PCDH15: variants seen among roughly 807,000 people sequenced by gnomAD.
The protein encoded by PCDH15 is protocadherin related 15.
A neutral mutation model predicts 178.5 loss-of-function variants in PCDH15; 129 were observed. That is an observed-to-expected ratio of 0.72 (90% confidence interval 0.63 to 0.84). The LOEUF (loss-of-function observed/expected upper bound fraction) is 0.84, where lower values mean the gene tolerates loss of function less well. PCDH15 is among the 40% of genes least tolerant of loss of function. The pLI is 0.00. For missense variants in PCDH15, 2,230 were observed against 2,099.9 expected (o/e 1.06, Z -1.21); for synonymous variants, 800 against 732.0 (o/e 1.09, Z -1.50).
At chr10:53,865,129 T>C (rs1253881421) in intron 27 of PCDH15, among the ~76,000 whole-genome samples, 1 of 152,146 alleles carries the variant, frequency 6.6e-6, no homozygotes, top group Non-Finnish European at 1.5e-5. Flanking sequence ...ATACTAATTA[T>C]AGAATTTTGT....
At chr10:53,910,819 A>C (rs2083034580) in intron 25 of PCDH15, among the ~76,000 whole-genome samples, 1 of 152,192 alleles carries the variant, frequency 6.6e-6, no homozygotes, top group Admixed American at 6.5e-5. Context: ...GAAGACCTTA[A>C]ATGACCTGAT....
intron 1 of PCDH15, among the ~76,000 whole-genome samples, chr10:55,207,542 A>G (rs1356807204): frequency 6.6e-6 from 1 of 152,176 alleles, no homozygotes; most frequent in Non-Finnish European, 1.5e-5. Flanking sequence ...TTGACTACCA[A>G]GTTCTCTTTC....
intron 2 of PCDH15, among the ~76,000 whole-genome samples, chr10:55,447,965 A>G (rs946201666): frequency 2.6e-5 from 4 of 151,972 alleles, no homozygotes; most frequent in African/African-American, 9.7e-5. Context: ...TCCAAGGAAG[A>G]GCTAGGATAA....
intron 3 of PCDH15, among the ~76,000 whole-genome samples, chr10:54,868,789 A>G (rs1178435227): frequency 6.6e-6 from 1 of 152,084 alleles, no homozygotes; most frequent in Non-Finnish European, 1.5e-5. Context: ...GTAGCAATCA[A>G]TGTTATTATC....
intron 1 of PCDH15, among the ~76,000 whole-genome samples, chr10:54,780,836 C>A (rs1405000308): frequency 1.3e-5 from 2 of 151,578 alleles, no homozygotes; most frequent in African/African-American, 2.4e-5. Flanking sequence ...ATCATAGTAG[C>A]TTTGAATGAT....
At chr10:54,551,722 A>G (rs953401248) in intron 2 of PCDH15, among the ~76,000 whole-genome samples, 1 of 152,048 alleles carries the variant, frequency 6.6e-6, no homozygotes, top group Non-Finnish European at 1.5e-5. Flanking sequence ...GATTTTTTAA[A>G]AGAACTTTCA....
At chr10:55,376,813 G>T (rs1264046657) in intron 2 of PCDH15, among the ~76,000 whole-genome samples, 1 of 152,010 alleles carries the variant, frequency 6.6e-6, no homozygotes, top group Admixed American at 6.6e-5. Context: ...AACTATTTCA[G>T]ATATGTTCTT....
At chr10:54,336,299 A>G (rs1286695689) in intron 6 of PCDH15, among the ~76,000 whole-genome samples, 1 of 152,230 alleles carries the variant, frequency 6.6e-6, no homozygotes, top group African/African-American at 2.4e-5. Flanking sequence ...AGAAATTTGC[A>G]TAAGTAATGA....
chr10:54,737,766 T>C (rs1036522578), intron 1 of PCDH15, among the ~76,000 whole-genome samples: 1 of 152,124 alleles, frequency 6.6e-6, no homozygotes, highest in Non-Finnish European at 1.5e-5. Context: ...TAGGTATGAT[T>C]GAGTACAAAT....
At chr10:55,069,837 C>T (rs896158794) in intron 2 of PCDH15, among the ~76,000 whole-genome samples, 3 of 151,316 alleles carry the variant, frequency 2.0e-5, no homozygotes, top group African/African-American at 7.3e-5. Flanking sequence ...GTTCTAGATC[C>T]CTGAGGAACC....
At chr10:54,802,362 G>C (rs146869008), upstream of PCDH15, among the ~76,000 whole-genome samples, 2 of 152,280 alleles carry the variant, frequency 1.3e-5, no homozygotes, top group African/African-American at 2.4e-5. Context: ...ATAATCTGAG[G>C]CAAGCCAAAT....
At chr10:55,363,635 T>C (rs1383334286) in intron 2 of PCDH15, among the ~76,000 whole-genome samples, 1 of 152,128 alleles carries the variant, frequency 6.6e-6, no homozygotes, top group African/African-American at 2.4e-5. Flanking sequence ...TTTTTTCTTT[T>C]TTTGGTTGGG....
intron 1 of PCDH15, among the ~76,000 whole-genome samples, chr10:54,756,521 T>TC (rs532123353): frequency 6.6e-6 from 1 of 152,156 alleles, no homozygotes; most frequent in Non-Finnish European, 1.5e-5. Context: ...CTATTAAAAA[T>TC]CTGTACCCTA....
chr10:55,160,806 CT>C (rs1839046457), intron 2 of PCDH15, among the ~76,000 whole-genome samples: 1 of 152,142 alleles, frequency 6.6e-6, no homozygotes, highest in African/African-American at 2.4e-5. Flanking sequence ...ATTTTCTCCT[CT>C]GTAGCACTGC....
At chr10:54,343,950 A>T (rs71492604) in intron 6 of PCDH15, among the ~76,000 whole-genome samples, 7,694 of 146,510 alleles carry the variant, frequency 0.053, 227 homozygotes, top group Admixed American at 0.095. Context: ...CTTTATTGAA[A>T]TGTTATTATT....
At chr10:55,181,019 G>T (rs984952868) in intron 1 of PCDH15, among the ~76,000 whole-genome samples, 1 of 152,000 alleles carries the variant, frequency 6.6e-6, no homozygotes, top group Non-Finnish European at 1.5e-5. Context: ...ACACCTAGAT[G>T]ATTAGGAATT....
intron 6 of PCDH15, among the ~76,000 whole-genome samples, chr10:54,336,173 T>C (rs1941079041): frequency 6.6e-6 from 1 of 152,152 alleles, no homozygotes; most frequent in African/African-American, 2.4e-5. Flanking sequence ...TTCAGTGCCA[T>C]TAAAAGCATT....
chr10:54,912,902 T>G (rs766140777), intron 2 of PCDH15, among the ~76,000 whole-genome samples: 7 of 152,108 alleles, frequency 4.6e-5, no homozygotes, highest in Non-Finnish European at 1.0e-4. Context: ...GGAGTAAAAG[T>G]CTCTCTTACC....
chr10:55,509,825 A>C (rs1360302854), intron 2 of PCDH15, among the ~76,000 whole-genome samples: 1 of 151,970 alleles, frequency 6.6e-6, no homozygotes, highest in Non-Finnish European at 1.5e-5. Flanking sequence ...ATGATTCTTA[A>C]GAAACAACTG....
Sources: gnomAD v4.1 joint callset for allele counts (sites outside exome capture counted in the v4.1 genomes callset) on GRCh38, gnomAD v4.1.1 for gene constraint, MANE v1.5 for transcripts, NCBI Gene and HGNC (gene_info 2026-07-23, HGNC 2026-07-21) for gene names.